FOXN3: variants seen among roughly 807,000 people sequenced by gnomAD.
FOXN3 encodes the protein forkhead box N3, also known as forkhead box protein N3.
Under a neutral mutation model 38.4 loss-of-function variants are expected in FOXN3, and 7 were observed. The observed-to-expected ratio is 0.18, with a 90% CI of 0.10 to 0.34. The LOEUF is 0.34. Ranked by LOEUF, FOXN3 falls within the 10% of genes least tolerant of loss-of-function variation. The probability of loss-of-function intolerance (pLI) is 1.00; values close to 1 mark genes in which losing one functional copy is unlikely to be tolerated. For synonymous variants in FOXN3, 230 were observed against 242.2 expected, an observed-to-expected ratio of 0.95 and a Z score of 0.47; for missense variants, 456 against 613.4, an observed-to-expected ratio of 0.74 and a Z score of 2.71.
chr14:89,328,406 C>T (rs1043501653), intron 3 of FOXN3, among the ~76,000 whole-genome samples: 17 of 152,108 alleles, frequency 1.1e-4, no homozygotes, highest in Admixed American at 1.0e-3. Flanking sequence ...GGTGAAGAGA[C>T]ATTCCCAACA....
At chr14:89,600,851 TGAAAA>T (rs1896140273) in intron 1 of FOXN3, among the ~76,000 whole-genome samples, 1 of 152,208 alleles carries the variant, frequency 6.6e-6, no homozygotes, top group African/African-American at 2.4e-5. Flanking sequence ...ACCTTAGACT[TGAAAA>T]GAAAGTGAGT....
chr14:89,327,823 A>T (rs1190060618), intron 3 of FOXN3, among the ~76,000 whole-genome samples: 1 of 152,236 alleles, frequency 6.6e-6, no homozygotes, highest in Non-Finnish European at 1.5e-5. Flanking sequence ...TATAATAAGC[A>T]GAGGCTACCA....
At chr14:89,272,441 G>A (rs139553871) in intron 4 of FOXN3, among the ~76,000 whole-genome samples, 1 of 152,180 alleles carries the variant, frequency 6.6e-6, no homozygotes, top group East Asian at 1.9e-4. Context: ...ACATGTGGAT[G>A]GTAAAATTAG....
intron 3 of FOXN3, among the ~76,000 whole-genome samples, chr14:89,295,808 C>T (rs530261514): frequency 6.8e-6 from 1 of 146,034 alleles, no homozygotes; most frequent in African/African-American, 2.5e-5. Flanking sequence ...CTATGTTTCC[C>T]AGGCTGCTCT....
At chr14:89,351,650 C>T (rs2241129) in intron 2 of FOXN3, among the ~76,000 whole-genome samples, 1 of 152,138 alleles carries the variant, frequency 6.6e-6, no homozygotes, top group Non-Finnish European at 1.5e-5. Flanking sequence ...GGCAATCGTT[C>T]CTCTGGCCGC....
chr14:89,219,953 A>C (rs1566932120), intron 4 of FOXN3, among the ~76,000 whole-genome samples: 1 of 152,162 alleles, frequency 6.6e-6, no homozygotes, highest in Non-Finnish European at 1.5e-5. Context: ...TGCCACTTAC[A>C]GAACTAATCA....
intron 1 of FOXN3, among the ~76,000 whole-genome samples, chr14:89,617,618 C>T (rs535013363): frequency 3.9e-5 from 6 of 152,220 alleles, no homozygotes; most frequent in Non-Finnish European, 8.8e-5. Flanking sequence ...ACTTTGCATT[C>T]TACAACTTAT....
At chr14:89,233,631 TG>T (rs1884888005) in intron 4 of FOXN3, among the ~76,000 whole-genome samples, 2 of 152,254 alleles carry the variant, frequency 1.3e-5, no homozygotes, top group African/African-American at 4.8e-5. Flanking sequence ...CACAGTCTAA[TG>T]GTTTAACTTA....
At chr14:89,557,001 G>GA (rs1332053479) in intron 1 of FOXN3, among the ~76,000 whole-genome samples, 7 of 152,206 alleles carry the variant, frequency 4.6e-5, no homozygotes, top group African/African-American at 1.7e-4. Context: ...AACCTGTGGG[G>GA]TGGGAAAGAA....
chr14:89,558,015 CAAAT>C (rs1039422983), intron 1 of FOXN3, among the ~76,000 whole-genome samples: 2 of 151,786 alleles, frequency 1.3e-5, no homozygotes, highest in African/African-American at 4.8e-5. Context: ...CAAAAACAAA[CAAAT>C]AAACAAAAAA....
rs563438310 is a variant in FOXN3 at position 89,491,376 on chromosome 14, G to T, written c.-14-78886C>A. On this transcript the variant is annotated intron_variant, in intron 1 of 6. Transcript: ENST00000345097. Reference sequence around the variant, plus strand: ...AGAAATCATTTCAATGAAAGGGGGAGATCTGTAAGGTTTTACAGAGGAAGC... The same window carrying T: ...AGAAATCATTTCAATGAAAGGGGGATATCTGTAAGGTTTTACAGAGGAAGC... 7.2e-5 allele frequency among the ~76,000 whole-genome samples: 11 copies of T among 152,330 alleles called. No individual in the cohort carries two copies. The South Asian group carries it at 1.9e-3, about 26-fold the overall frequency.
chr14:89,329,631 G>C (rs959306270), intron 3 of FOXN3, among the ~76,000 whole-genome samples: 1 of 152,114 alleles, frequency 6.6e-6, no homozygotes, highest in African/African-American at 2.4e-5. Flanking sequence ...GCCGAGGCGG[G>C]CGGATCACAA....
intron 1 of FOXN3, among the ~76,000 whole-genome samples, chr14:89,478,782 A>C (rs1459802012): frequency 6.6e-6 from 1 of 151,902 alleles, no homozygotes. Flanking sequence ...AAATACAAAA[A>C]TTAGCTAGGC....
At chr14:89,174,923 T>C (rs61985197) in intron 5 of FOXN3, among the ~76,000 whole-genome samples, 10 of 152,178 alleles carry the variant, frequency 6.6e-5, no homozygotes, top group Non-Finnish European at 1.2e-4. Flanking sequence ...TGTTTGGTCT[T>C]TACATACAGA....
intron 1 of FOXN3, among the ~76,000 whole-genome samples, chr14:89,549,034 G>A (rs184040061): frequency 1.3e-5 from 2 of 151,802 alleles, no homozygotes; most frequent in Non-Finnish European, 2.9e-5. Context: ...CAGGAGAATT[G>A]CTTGAACCTG....
At chr14:89,350,897 A>C (rs1229685597) in intron 2 of FOXN3, 89 bp from the exon 3 acceptor site, 10 of 1,013,744 alleles carry the variant, frequency 9.9e-6, no homozygotes, top group Non-Finnish European at 1.4e-5. Flanking sequence ...TCACTTCTTT[A>C]TTTTTAAAAG....
intron 3 of FOXN3, among the ~76,000 whole-genome samples, chr14:89,283,097 G>T (rs901611097): frequency 1.3e-4 from 20 of 152,140 alleles, no homozygotes; most frequent in African/African-American, 4.1e-4. Flanking sequence ...CTCAGGGTAA[G>T]TCAGCTCCTG....
intron 1 of FOXN3, among the ~76,000 whole-genome samples, chr14:89,573,073 A>G (rs1596321692): frequency 6.6e-6 from 1 of 152,302 alleles, no homozygotes; most frequent in East Asian, 1.9e-4. Context: ...GCCATACAGG[A>G]AAAGGGAGAA....
Position 89,163,090 on chromosome 14 carries a change from G to T in FOXN3, c.852-121C>A. 1 of 923,272 alleles carries T rather than the reference G, an allele frequency of 1.1e-6. No individual in the cohort carries two copies. The highest frequency in any genetic ancestry group is 2.3e-5 in the South Asian group (1 of 43,514). The allele number at this position is 923,272 out of a possible 1,614,324, so 57.2% of individuals were successfully genotyped here. A position where few individuals can be genotyped will look rare whatever the true frequency, so the allele number is the denominator to read the frequency against. On this transcript the variant is annotated intron_variant, in intron 5 of 5. Transcript: ENST00000557258. The surrounding 1 kb of genome is among the most constrained non-coding windows in gnomAD (Gnocchi z 4.3). ...ACCATCAGTCCCTTTGTGTTCAATG[G>T]AGCCACTCGCAAACTGTGGGGGCAA...
Sources: allele counts gnomAD v4.1 joint callset (sites outside exome capture counted in the v4.1 genomes callset), GRCh38; gene constraint gnomAD v4.1.1; non-coding constraint Gnocchi (gnomAD v3.1); transcripts MANE v1.5; gene names NCBI Gene and HGNC (gene_info 2026-07-23, HGNC 2026-07-21).